The following WNK1 variants were observed in gnomAD, a reference collection of about 807,000 sequenced individuals.
WNK1 encodes the protein serine/threonine-protein kinase WNK1.
In WNK1, 38 loss-of-function variants were observed where a neutral mutation model predicts 222.8. That is an observed-to-expected ratio of 0.17 (90% CI 0.13 to 0.22). WNK1 has a LOEUF of 0.22. Among genes scored for constraint, WNK1 ranks in the 10% least tolerant of loss-of-function variants. The pLI is 1.00. For missense variants in WNK1, 2,348 were observed against 2,918.4 expected, an observed-to-expected ratio of 0.80 and a Z score of 4.50; for synonymous variants, 1,090 against 1,092.9, an observed-to-expected ratio of 1.00 and a Z score of 0.05.
chr12:909,141 C>T lies in WNK1; in HGVS notation c.*349C>T, dbSNP rs1047741417. 6 of 291,658 alleles carry T rather than the reference C, an allele frequency of 2.1e-5. No homozygotes were observed. The highest frequency in any genetic ancestry group is 1.5e-4 in the South Asian group (4 of 26,474). 18.1% of individuals were successfully genotyped at this position (291,658 alleles called of 1,614,324 possible). A position where few individuals can be genotyped will look rare whatever the true frequency, so the allele number is the denominator to read the frequency against. ...GTAAAATCAAACCCATCTGTAATTTCGAGTGGGTGGAGCTCTTGCTTTTGG... is the reference window on the plus strand; with the variant it reads ...GTAAAATCAAACCCATCTGTAATTTTGAGTGGGTGGAGCTCTTGCTTTTGG... On this transcript the variant is annotated 3_prime_UTR_variant, in exon 28 of 28. Coordinates refer to ENST00000315939, the MANE Select transcript of WNK1 (RefSeq NM_018979.4).
intron 1 of WNK1, among the ~76,000 whole-genome samples, chr12:803,382 T>TA (rs1376908848): frequency 6.6e-6 from 1 of 152,208 alleles, no homozygotes; most frequent in Non-Finnish European, 1.5e-5. Flanking sequence ...TAATATGTTG[T>TA]AAAACTATAA....
At chr12:901,462 A>T in intron 26 of WNK1, 1 of 699,390 alleles carries the variant, frequency 1.4e-6, no homozygotes, top group South Asian at 1.8e-5. Context: ...GTGCCATCTT[A>T]GTGCATTTCA....
rs1312394455 is a variant in WNK1, at chr12:758,799, G to C, written c.759+4475G>C. ...TCAAAGTCACCGATTAGGAGTATTG[G>C]CAAATTTTTTTCTCTTACCTTTTTT... On this transcript the variant is annotated intron_variant, in intron 1 of 27. Transcript: ENST00000315939. Among the ~76,000 whole-genome samples, 3 of 146,690 alleles carry C rather than the reference G, an allele frequency of 2.0e-5. 1 individual carries two copies. Among genetic ancestry groups the C allele is most frequent in the Non-Finnish European group, 4.6e-5 (3 of 65,908 alleles).
At chr12:867,757 A>G (rs1296695298) in intron 8 of WNK1, 1 of 1,178,238 alleles carries the variant, frequency 8.5e-7, no homozygotes, top group Non-Finnish European at 1.2e-6. Context: ...TTAATTATAA[A>G]TTTAGTGTAA....
intron 1 of WNK1, among the ~76,000 whole-genome samples, chr12:809,837 A>G (rs902550822): frequency 6.6e-6 from 1 of 152,172 alleles, no homozygotes. Context: ...TTTCTCTGTA[A>G]ACTGTAACTG....
intron 8 of WNK1, among the ~76,000 whole-genome samples, chr12:870,641 C>A (rs1343760914): frequency 6.6e-6 from 1 of 152,132 alleles, no homozygotes; most frequent in African/African-American, 2.4e-5. Flanking sequence ...GTATTGTAGG[C>A]TATTTAGAAC....
rs72652207 is a variant in WNK1 at position 908,351 on chromosome 12, C to G, written c.6832-124C>G. 1,325 of 1,055,110 alleles carry G rather than the reference C, an allele frequency of 1.3e-3. 11 individuals are homozygous for G. In the African/African-American group the frequency reaches 0.016, roughly 13 times the overall value. 65.4% of individuals were successfully genotyped at this position (1,055,110 alleles called of 1,614,324 possible). A position where few individuals can be genotyped will look rare whatever the true frequency, so the allele number is the denominator to read the frequency against. On this transcript the variant is annotated intron_variant, in intron 27 of 27. Coordinates refer to ENST00000315939, the MANE Select transcript of WNK1 (RefSeq NM_018979.4). ...CCCTTACTTGGTAAATATAAAGAGC[C>G]AATAAATACTACAGAAGACTGTTCT...
intron 1 of WNK1, among the ~76,000 whole-genome samples, chr12:775,630 C>T (rs1179173193): frequency 2.0e-5 from 3 of 152,132 alleles, no homozygotes; most frequent in East Asian, 1.9e-4. Context: ...GAGCTATGGT[C>T]GTGCCACTCT....
intron 19 of WNK1, among the ~76,000 whole-genome samples, 200 bp downstream of exon 19, chr12:886,284 T>C (rs1490884504): frequency 6.6e-6 from 1 of 152,160 alleles, no homozygotes; most frequent in Non-Finnish European, 1.5e-5. Flanking sequence ...GGCAGGATTT[T>C]AGGGTTAATT....
At position 813,629 on chromosome 12, in the gene WNK1, T is replaced by C; in HGVS notation, c.760-13T>C. 6.2e-7 allele frequency: 1 copy of C among 1,612,548 alleles called. No homozygotes were observed. Among genetic ancestry groups the C allele is most frequent in the South Asian group, 1.1e-5 (1 of 90,954 alleles). On this transcript the variant is annotated splice_polypyrimidine_tract_variant and intron_variant, in intron 1 of 27. Coordinates refer to ENST00000315939, the MANE Select transcript of WNK1 (RefSeq NM_018979.4). ...CATTTTAAACCACATTCTGTTTTGG[T>C]TTTTGATTTTAGGATCGAAAATTAA...
intron 9 of WNK1, among the ~76,000 whole-genome samples, chr12:874,970 A>C (rs1952477450): frequency 6.6e-6 from 1 of 152,194 alleles, no homozygotes; most frequent in African/African-American, 2.4e-5. Flanking sequence ...AGGCATTTGA[A>C]ATGGACTTTG....
intron 1 of WNK1, among the ~76,000 whole-genome samples, chr12:802,458 CG>C (rs1945974480): frequency 6.6e-6 from 1 of 152,022 alleles, no homozygotes; most frequent in African/African-American, 2.4e-5. Context: ...TGTCAGACAG[CG>C]GGGTCATAAA....
intron 1 of WNK1, among the ~76,000 whole-genome samples, chr12:774,547 G>A (rs1354395310): frequency 1.3e-5 from 2 of 152,186 alleles, no homozygotes; most frequent in East Asian, 3.8e-4. Flanking sequence ...ACACTGATCA[G>A]TACCTCAGAT....
Position 879,944 on chromosome 12 carries a change from A to C in WNK1, c.2745A>C (p.Leu915=), listed in dbSNP as rs1952999569. The C allele has an allele frequency of 6.2e-7, 1 of 1,614,130 alleles. No individual in the cohort carries two copies. Among genetic ancestry groups the C allele is most frequent in the Non-Finnish European group, 8.5e-7 (1 of 1,180,016 alleles). ...CAAGTCAGGTTCACCCACAGCTCCTACAACCAGCAGTTCAGTCCATGGGAA... is the reference window on the plus strand; with the variant it reads ...CAAGTCAGGTTCACCCACAGCTCCTCCAACCAGCAGTTCAGTCCATGGGAA... The part of the protein sequence containing the change: ...QLPSQVHPQL[L]QPAVQSMGIP... Residue 915 remains leucine (L), a synonymous_variant, in exon 11 of 28, where the codon CTA becomes CTC. Coordinates refer to ENST00000315939, the MANE Select transcript of WNK1 (RefSeq NM_018979.4).
intron 9 of WNK1, among the ~76,000 whole-genome samples, chr12:871,972 G>T (rs529138888): frequency 6.6e-6 from 1 of 152,276 alleles, no homozygotes; most frequent in Admixed American, 6.5e-5. Flanking sequence ...ACTGCTTGCA[G>T]CAGTGATTTG....
chr12:868,231 A>G (rs1358918320), intron 8 of WNK1: 1 of 1,607,612 alleles, frequency 6.2e-7, no homozygotes, highest in Non-Finnish European at 8.5e-7. Context: ...GACCTGGACT[A>G]GTACTTCCAG....
intron 1 of WNK1, among the ~76,000 whole-genome samples, chr12:780,416 T>A (rs986359191): frequency 6.6e-6 from 1 of 152,240 alleles, no homozygotes; most frequent in African/African-American, 2.4e-5. Context: ...AAAATTTCAG[T>A]CATAGTTATG....
intron 26 of WNK1, among the ~76,000 whole-genome samples, chr12:901,267 C>T (rs1320687771): frequency 1.3e-5 from 2 of 152,196 alleles, no homozygotes; most frequent in African/African-American, 4.8e-5. Context: ...GCCTTTGCCA[C>T]AGTTTCACAG....
Position 884,716 on chromosome 12 carries a change from A to G in WNK1, c.3912A>G (p.Gln1304=). ...LSHSASSLSL[Q]QAFSELRRAQ... The stretch of plus-strand genomic sequence containing the variant: ...ACTCTGCATCATCCCTTAGTCTACA[A>G]CAGGCCTTTTCTGAACTTAGACGTG... Residue 1304 remains glutamine, a synonymous_variant, in exon 19 of 28, where the codon CAA becomes CAG. Transcript: ENST00000315939. This position sits in a 1 kb window ranked among gnomAD's most constrained non-coding sequence, Gnocchi z 5.6. The G allele has an allele frequency of 1.2e-6, 2 of 1,614,178 alleles. No individual in the cohort carries two copies. The highest frequency in any genetic ancestry group is 4.5e-5 in the East Asian group (2 of 44,880).
Sources: gnomAD v4.1 joint callset for allele counts (sites outside exome capture counted in the v4.1 genomes callset) on GRCh38, gnomAD v4.1.1 for gene constraint, Gnocchi (gnomAD v3.1) non-coding constraint, MANE v1.5 for transcripts, NCBI Gene and HGNC (gene_info 2026-07-23, HGNC 2026-07-21) for gene names.